Variants in HELQ observed in about 807,000 individuals in gnomAD.
HELQ encodes helicase POLQ-like.
Under a neutral mutation model 111.6 loss-of-function variants are expected in HELQ, and 77 were observed. That is an observed-to-expected ratio of 0.69 (90% CI 0.57 to 0.83). The LOEUF (loss-of-function observed/expected upper bound fraction) is 0.83. Among genes scored for constraint, HELQ ranks in the 40% least tolerant of loss-of-function variants. The pLI, the probability that HELQ is intolerant of heterozygous loss-of-function variation, is 0.00. For missense variants in HELQ, 1,200 were observed against 1,288.5 expected (o/e 0.93, Z 1.05); for synonymous variants, 438 against 454.7 (o/e 0.96, Z 0.47).
rs757924473 is a variant in HELQ at position 83,416,848 on chromosome 4, T to A, written c.3081A>T (p.Leu1027Phe). 6.2e-7 allele frequency: 1 copy of A among 1,608,726 alleles called. No homozygotes were observed. Among genetic ancestry groups the A allele is most frequent in the Non-Finnish European group, 8.5e-7 (1 of 1,178,180 alleles). The change falls in exon 17 of 18, where the codon TTA becomes TTT. Residue 1027 changes from leucine to phenylalanine, a missense_variant. Leu to Phe is a conservative substitution (Grantham distance 22). Transcript: ENST00000295488. ...TGVLEGRAKQ[L>F]YSAGYKSLMH... ...TTAGACTTTTGTAACCTGCACTGTA[T>A]AACTGTTTTGCTCGACCCTGAAAAG...
chr4:83,430,103 T>C (rs1321137908), intron 11 of HELQ, among the ~76,000 whole-genome samples: 1 of 151,672 alleles, frequency 6.6e-6, no homozygotes, highest in East Asian at 1.9e-4. Context: ...GGATCTTCCC[T>C]GCACTGCATT....
chr4:83,439,895 A>T lies in HELQ; in HGVS notation c.1776T>A (p.Asn592Lys), dbSNP rs1437838406. 8.8e-6 allele frequency: 14 copies of T among 1,597,520 alleles called. No homozygotes were observed. The highest frequency in any genetic ancestry group is 1.2e-5 in the Non-Finnish European group (14 of 1,168,458). ...VFCPSKKNCENVAEMICKFLS... is the reference protein window; with the variant it reads ...VFCPSKKNCEKVAEMICKFLS... ...AAAATTTGCATATCATTTCTGCTAC[A>T]TTTTCACAGTTCTTCTTACTAGGAC... The change falls in exon 8 of 18, where the codon AAT becomes AAA. Residue 592 changes from asparagine (N) to lysine (K), a missense_variant. By Grantham distance (94) the Asn-to-Lys change is moderately conservative (BLOSUM62 0). Around this residue, in one of 3 missense-constraint regions of HELQ, gnomAD observed 585 missense variants for 665.3 expected, o/e 0.88. Coordinates refer to ENST00000295488, the MANE Select transcript of HELQ (RefSeq NM_133636.5).
At position 83,446,007 on chromosome 4, in the gene HELQ, T is replaced by C. The variant is rs768331156; in HGVS notation, c.1465+7A>G. The C allele has an allele frequency of 2.5e-6, 4 of 1,574,168 alleles. No homozygotes were observed. The highest frequency in any genetic ancestry group is 3.5e-6 in the Non-Finnish European group (4 of 1,144,652). ...CAATTCATGACCTCATTTGAAAAAA[T>C]ACTTACTGCTAGTGTAGAGGATTTT... On this transcript the variant is annotated splice_region_variant and intron_variant, in intron 5 of 17. Coordinates refer to ENST00000295488, the MANE Select transcript of HELQ (RefSeq NM_133636.5).
intron 14 of HELQ, among the ~76,000 whole-genome samples, chr4:83,424,883 T>C (rs531443259): frequency 1.3e-5 from 2 of 152,250 alleles, no homozygotes; most frequent in East Asian, 3.9e-4. Flanking sequence ...GACACAGTGA[T>C]GCATGGGACA....
At chr4:83,431,928 A>G (rs1042284128) in intron 10 of HELQ, among the ~76,000 whole-genome samples, 160 bp from the exon 11 acceptor site, 6 of 152,170 alleles carry the variant, frequency 3.9e-5, no homozygotes, top group African/African-American at 7.2e-5. Context: ...AAAATGGAAG[A>G]AAAACAAATA....
At chr4:83,434,718 C>A (rs935408963) in intron 9 of HELQ, among the ~76,000 whole-genome samples, 1 of 152,018 alleles carries the variant, frequency 6.6e-6, no homozygotes, top group Non-Finnish European at 1.5e-5. Flanking sequence ...CCTACCTTTG[C>A]CTCCCAAAGT....
chr4:83,416,095 T>TG (rs1199129683), intron 17 of HELQ, among the ~76,000 whole-genome samples: 1 of 150,210 alleles, frequency 6.7e-6, no homozygotes, highest in African/African-American at 2.5e-5. Context: ...TATAGGCGTG[T>TG]GCCACCAAGT....
intron 17 of HELQ, among the ~76,000 whole-genome samples, chr4:83,411,659 T>C (rs531191288): frequency 6.6e-6 from 1 of 151,746 alleles, no homozygotes; most frequent in East Asian, 1.9e-4. Context: ...AAAAATAAAA[T>C]AGAGATAAGG....
intron 14 of HELQ, among the ~76,000 whole-genome samples, chr4:83,425,149 A>G (rs1194709849): frequency 2.0e-5 from 3 of 151,700 alleles, no homozygotes; most frequent in East Asian, 2.0e-4. Context: ...GCGTGGTGGC[A>G]GGCGCCTGTA....
At chr4:83,424,577 G>C (rs1205031878) in intron 14 of HELQ, among the ~76,000 whole-genome samples, 1 of 150,924 alleles carries the variant, frequency 6.6e-6, no homozygotes, top group Non-Finnish European at 1.5e-5. Flanking sequence ...ATTTTTTTTT[G>C]AGACAGAGTC....
intron 9 of HELQ, among the ~76,000 whole-genome samples, chr4:83,435,610 T>A (rs1720409560): frequency 6.6e-6 from 1 of 151,650 alleles, no homozygotes; most frequent in African/African-American, 2.4e-5. Context: ...AGATGTGGGA[T>A]ATAAGAGGCA....
rs1033244772 is a variant in HELQ, at chr4:83,429,714, G to A, written c.2328C>T (p.Phe776=). ...GAACACCAAAAAATGTACCATTCAT[G>A]AAATGATAGATGTCATCAAGATTCG... ...IATNLDDIYH[F]MNGTFFGVQQ... is the part of the protein sequence containing the mutation. Residue 776 remains phenylalanine, a synonymous_variant, in exon 12 of 18, where the codon TTC becomes TTT. Transcript: ENST00000295488. 3 of 1,612,540 alleles carry A rather than the reference G, an allele frequency of 1.9e-6. No homozygotes were observed. In the African/African-American group the frequency reaches 4.0e-5, roughly 22 times the overall value.
chr4:83,449,058 C>T, intron 2 of HELQ, 97 bp from the exon 3 acceptor site: 3 of 835,852 alleles, frequency 3.6e-6, no homozygotes, highest in Non-Finnish European at 5.5e-6. Context: ...TCCTGTGGAG[C>T]AATCCTCTCA....
At chr4:83,438,553 C>T (rs769684307) in intron 8 of HELQ, among the ~76,000 whole-genome samples, 6 of 151,874 alleles carry the variant, frequency 4.0e-5, no homozygotes, top group Admixed American at 1.3e-4. Context: ...CCAGCCTGGG[C>T]AACATGGTGA....
chr4:83,431,771 A>G lies in HELQ; in HGVS notation c.2191-3T>C. The G allele has an allele frequency of 7.4e-7, 1 of 1,342,868 alleles. No homozygotes were observed. Among genetic ancestry groups the G allele is most frequent in the South Asian group, 1.7e-5 (1 of 59,148 alleles). The allele number at this position is 1,342,868 out of a possible 1,614,324, so 83.2% of individuals were successfully genotyped here. On this transcript the variant is annotated splice_region_variant and splice_polypyrimidine_tract_variant and intron_variant, in intron 10 of 17. Transcript: ENST00000295488. Reference sequence around the variant, plus strand: ...GGTTTAGTTATTAACTCCAATACCTATAAAGGTTAAAGCAAAACCATGCCT... The same window carrying G: ...GGTTTAGTTATTAACTCCAATACCTGTAAAGGTTAAAGCAAAACCATGCCT...
rs1473198085 is a variant in HELQ, at chr4:83,411,214, TAAG to T, written c.3199-3657_3199-3655del. ...AACATAGAGATTATAAATAGACAAA[TAAG>T]AAACTGCAGTGTTTTAAAAGATATT... On this transcript the variant is annotated intron_variant, in intron 17 of 17. Transcript: ENST00000295488. Among the ~76,000 whole-genome samples, 25 of 129,584 alleles carry T rather than the reference TAAG, an allele frequency of 1.9e-4. No homozygotes were observed. In the East Asian group the frequency reaches 5.7e-3, roughly 29 times the overall value. The allele number at this position is 129,584 out of a possible 152,430, so 85.0% of individuals were successfully genotyped here.
rs148858555 is a variant in HELQ, at chr4:83,423,263, T to C, written c.2776-1527A>G. On this transcript the variant is annotated intron_variant, in intron 14 of 17. Coordinates refer to ENST00000295488, the MANE Select transcript of HELQ (RefSeq NM_133636.5). ...GCTTGGGCAACATGGTGAAAACCTG[T>C]CTCTATTTTAAAAAAAACTGTAAAA... 7.0e-3 allele frequency among the ~76,000 whole-genome samples: 1,071 copies of C among 151,962 alleles called. 11 individuals are homozygous for C. Among genetic ancestry groups the C allele is most frequent in the African/African-American group, 0.025 (1,027 of 41,464 alleles).
At chr4:83,410,120 C>T (rs1483661838) in intron 17 of HELQ, among the ~76,000 whole-genome samples, 2 of 152,154 alleles carry the variant, frequency 1.3e-5, no homozygotes, top group African/African-American at 4.8e-5. Context: ...GGAATGGTGG[C>T]CCATACCTAT....
intron 17 of HELQ, among the ~76,000 whole-genome samples, chr4:83,409,903 A>AG (rs1234503312): frequency 6.6e-6 from 1 of 152,064 alleles, no homozygotes; most frequent in Admixed American, 6.6e-5. Flanking sequence ...TAAATAAAAA[A>AG]CCTAATTAGG....
Sources: gnomAD v4.1 joint callset for allele counts (sites outside exome capture counted in the v4.1 genomes callset) on GRCh38, gnomAD v4.1.1 for gene constraint, gnomAD v4.1.1 regional missense constraint, MANE v1.5 for transcripts, NCBI Gene and HGNC (gene_info 2026-07-23, HGNC 2026-07-21) for gene names.